The following QKI variants were observed in gnomAD, a reference collection of about 807,000 sequenced individuals.
QKI encodes QKI, KH domain containing RNA binding, also known as KH domain-containing RNA-binding protein QKI.
Under a neutral mutation model 39.0 loss-of-function variants are expected in QKI, and 10 were observed. The observed-to-expected ratio is 0.26, with a 90% CI of 0.16 to 0.43. QKI has a LOEUF of 0.43. QKI is among the 20% of genes least tolerant of loss of function. QKI has a pLI of 1.00. For missense variants in QKI, 218 were observed against 428.0 expected (o/e 0.51, Z 4.33); for synonymous variants, 204 against 155.4 (o/e 1.31, Z -2.33).
chr6:163,525,789 CA>C (rs1412982440), intron 3 of QKI, among the ~76,000 whole-genome samples: 1 of 152,228 alleles, frequency 6.6e-6, no homozygotes, highest in African/African-American at 2.4e-5. Flanking sequence ...AGACGAGTGT[CA>C]TCTGAAGTCG....
intron 7 of QKI, chr6:163,570,043 G>T: frequency 1.0e-6 from 1 of 986,376 alleles, no homozygotes; most frequent in Non-Finnish European, 1.2e-6. Context: ...TACACTGCTA[G>T]ACTACAGTTT....
chr6:163,529,381 GT>G (rs1562516557), intron 3 of QKI, among the ~76,000 whole-genome samples: 2 of 152,268 alleles, frequency 1.3e-5, no homozygotes, highest in East Asian at 3.9e-4. Context: ...GTAAATACTT[GT>G]TTAGAGCCAG....
chr6:163,446,468 T>C (rs1554260034), intron 1 of QKI, among the ~76,000 whole-genome samples: 1 of 152,222 alleles, frequency 6.6e-6, no homozygotes, highest in Non-Finnish European at 1.5e-5. Flanking sequence ...ATTCTGATGA[T>C]ATCAAACTAA....
intron 2 of QKI, among the ~76,000 whole-genome samples, chr6:163,456,346 A>G (rs917504493): frequency 3.9e-5 from 6 of 152,188 alleles, no homozygotes; most frequent in Non-Finnish European, 8.8e-5. Context: ...TACATAAAAT[A>G]AGAACCTTGT....
At chr6:163,457,357 A>C (rs1325858759) in intron 2 of QKI, 1 of 455,870 alleles carries the variant, frequency 2.2e-6, no homozygotes, top group African/African-American at 2.0e-5. Flanking sequence ...CCTGTTCACT[A>C]TATTCCTTTC....
chr6:163,455,062 T>A (rs527467937), intron 1 of QKI, among the ~76,000 whole-genome samples: 1 of 152,176 alleles, frequency 6.6e-6, no homozygotes, highest in Non-Finnish European at 1.5e-5. Flanking sequence ...ATATGTTATT[T>A]GATTCGTATA....
chr6:163,555,509 C>CAAACAA (rs1782529916), intron 4 of QKI, among the ~76,000 whole-genome samples: 1 of 79,392 alleles, frequency 1.3e-5, no homozygotes. Context: ...AACTCCAGCT[C>CAAACAA]AAAAAAAAAA....
At chr6:163,535,837 C>T (rs957488348) in intron 4 of QKI, among the ~76,000 whole-genome samples, 6 of 152,110 alleles carry the variant, frequency 3.9e-5, no homozygotes, top group Non-Finnish European at 7.4e-5. Context: ...GAGGCTGAGG[C>T]ATGAGAATCG....
intron 3 of QKI, among the ~76,000 whole-genome samples, chr6:163,506,672 T>C (rs1448476348): frequency 6.6e-6 from 1 of 152,214 alleles, no homozygotes; most frequent in Non-Finnish European, 1.5e-5. Flanking sequence ...TACAGAGTTC[T>C]TTAAGAGTTG....
chr6:163,527,373 A>G lies in QKI; in HGVS notation c.403-7609A>G, dbSNP rs1019337011. ...CTTTAATATTTGTCTTAAAATGTAT[A>G]TATTCACAATACGCCTGTTATTGGA... On this transcript the variant is annotated intron_variant, in intron 3 of 7. Coordinates refer to ENST00000361752, the MANE Select transcript of QKI (RefSeq NM_006775.3). Among the ~76,000 whole-genome samples, 5 of 152,178 alleles carry G rather than the reference A, an allele frequency of 3.3e-5. No individual in the cohort carries two copies. The East Asian group carries it at 9.6e-4, about 29-fold the overall frequency.
chr6:163,455,805 C>T (rs753315203), intron 2 of QKI, among the ~76,000 whole-genome samples: 10 of 152,174 alleles, frequency 6.6e-5, no homozygotes, highest in Admixed American at 5.9e-4. Flanking sequence ...CCATAAGTTT[C>T]CTTTCAGCTC....
At chr6:163,433,868 C>T (rs1789033752) in intron 1 of QKI, among the ~76,000 whole-genome samples, 1 of 152,120 alleles carries the variant, frequency 6.6e-6, no homozygotes, top group Non-Finnish European at 1.5e-5. Context: ...TGTGTACATA[C>T]ACATTTATAT....
intron 2 of QKI, among the ~76,000 whole-genome samples, chr6:163,460,235 T>C (rs548571111): frequency 1.3e-5 from 2 of 152,314 alleles, no homozygotes; most frequent in East Asian, 3.9e-4. Flanking sequence ...ATTCTGATTT[T>C]CTGATGTTTT....
chr6:163,552,701 A>G (rs565587920), intron 4 of QKI, among the ~76,000 whole-genome samples: 14 of 152,304 alleles, frequency 9.2e-5, no homozygotes, highest in East Asian at 5.8e-4. Context: ...GAAGGAATCT[A>G]TAGTTACCGT....
At chr6:163,516,440 G>A (rs1274399384) in intron 3 of QKI, among the ~76,000 whole-genome samples, 7 of 151,996 alleles carry the variant, frequency 4.6e-5, no homozygotes, top group South Asian at 2.1e-4. Context: ...GACTATAGGC[G>A]CACACCACCA....
intron 3 of QKI, among the ~76,000 whole-genome samples, chr6:163,508,252 G>A (rs1428836339): frequency 6.6e-6 from 1 of 152,090 alleles, no homozygotes; most frequent in Non-Finnish European, 1.5e-5. Flanking sequence ...TCACAAATTT[G>A]ATGAAAGACA....
chr6:163,569,598 C>T, intron 7 of QKI: 1 of 1,026,456 alleles, frequency 9.7e-7, no homozygotes, highest in Non-Finnish European at 1.2e-6. Context: ...AACTCAAGGA[C>T]ATTGGGAATG....
At chr6:163,427,652 C>T (rs1240798872) in intron 1 of QKI, among the ~76,000 whole-genome samples, 2 of 151,908 alleles carry the variant, frequency 1.3e-5, no homozygotes, top group Non-Finnish European at 2.9e-5. Flanking sequence ...ATTTTAATGT[C>T]AGGTGCGTGC....
chr6:163,505,285 C>A (rs1779023206), intron 3 of QKI, among the ~76,000 whole-genome samples: 1 of 152,174 alleles, frequency 6.6e-6, no homozygotes, highest in Admixed American at 6.5e-5. Context: ...GAGGTTGGAA[C>A]CCCCACACAG....
Sources: allele counts gnomAD v4.1 joint callset (sites outside exome capture counted in the v4.1 genomes callset), GRCh38; gene constraint gnomAD v4.1.1; transcripts MANE v1.5; gene names NCBI Gene and HGNC (gene_info 2026-07-23, HGNC 2026-07-21).